PRSS48: variants seen among roughly 807,000 people sequenced by gnomAD.
PRSS48 encodes serine protease 48, also known as epidermis-specific serine protease-like protein.
Under a neutral mutation model 25.6 loss-of-function variants are expected in PRSS48, and 21 were observed. The ratio of observed to expected loss-of-function variants is 0.82; its 90% CI spans 0.58 to 1.18. The LOEUF is 1.18. Ranked by LOEUF, PRSS48 falls within the 50% of genes most tolerant of loss-of-function variation. The pLI, the probability that PRSS48 is intolerant of heterozygous loss-of-function variation, is 0.00. For synonymous variants in PRSS48, 150 were observed against 149.3 expected (o/e 1.00, Z -0.04); for missense variants, 373 against 399.3 (o/e 0.93, Z 0.56).
At chr4:151,281,587 T>G (rs931454266) in intron 2 of PRSS48, among the ~76,000 whole-genome samples, 1 of 152,056 alleles carries the variant, frequency 6.6e-6, no homozygotes, top group Non-Finnish European at 1.5e-5. Context: ...TTGAAAACAC[T>G]TGAAAATTAC....
rs539577807 is a variant in PRSS48, at chr4:151,280,153, A to T, written c.215+195A>T. 3.7e-3 allele frequency among the ~76,000 whole-genome samples: 254 copies of T among 68,278 alleles called. 2 individuals are homozygous for T. The highest frequency in any genetic ancestry group is 8.7e-3 in the African/African-American group (252 of 29,090). The allele number at this position is 68,278 out of a possible 152,430, so 44.8% of individuals were successfully genotyped here. A position where few individuals can be genotyped will look rare whatever the true frequency, so the allele number is the denominator to read the frequency against. ...AGAAAAAGGAAAGTTGGAGACAGGCACTATATTAAAGACTTTTCTTATTTT... is the reference window on the plus strand; with the variant it reads ...AGAAAAAGGAAAGTTGGAGACAGGCTCTATATTAAAGACTTTTCTTATTTT... On this transcript the variant is annotated intron_variant, in intron 2 of 4. Coordinates refer to ENST00000455694, the Ensembl canonical transcript of PRSS48.
intron 1 of PRSS48, among the ~76,000 whole-genome samples, chr4:151,278,579 T>C (rs1002676121): frequency 6.6e-6 from 1 of 152,114 alleles, no homozygotes; most frequent in African/African-American, 2.4e-5. Flanking sequence ...ATCCCTAGTT[T>C]GAGAGTCCCA....
intron 4 of PRSS48, among the ~76,000 whole-genome samples, chr4:151,286,133 T>C (rs1264191104): frequency 1.4e-5 from 2 of 145,174 alleles, no homozygotes; most frequent in Non-Finnish European, 3.0e-5. Context: ...GTGAGCTATA[T>C]TTGCACCACT....
At chr4:151,291,804 C>T (rs1775357747), downstream of PRSS48, among the ~76,000 whole-genome samples, 1 of 152,124 alleles carries the variant, frequency 6.6e-6, no homozygotes, top group East Asian at 1.9e-4. Flanking sequence ...TAAGGGTCTA[C>T]CTCGTGCCCA....
At chr4:151,277,877 CA>C (rs1228916386) in intron 1 of PRSS48, among the ~76,000 whole-genome samples, 1 of 152,024 alleles carries the variant, frequency 6.6e-6, no homozygotes, top group Non-Finnish European at 1.5e-5. Context: ...CCCATCTCTA[CA>C]AAAAATACAA....
At chr4:151,287,670 G>C (rs1229608593) in intron 4 of PRSS48, among the ~76,000 whole-genome samples, 2 of 152,186 alleles carry the variant, frequency 1.3e-5, no homozygotes, top group Non-Finnish European at 2.9e-5. Flanking sequence ...CAAGACGGGA[G>C]GATCACTTGA....
Position 151,280,063 on chromosome 4 carries a change from C to G in PRSS48, c.215+105C>G. 2 of 1,309,374 alleles carry G rather than the reference C, an allele frequency of 1.5e-6. 1 individual carries two copies. The allele number at this position is 1,309,374 out of a possible 1,614,324, so 81.1% of individuals were successfully genotyped here. A position where few individuals can be genotyped will look rare whatever the true frequency, so the allele number is the denominator to read the frequency against. Reference sequence around the variant, plus strand: ...AATGAAAGTGGTAAAATAGGCAGGGCGGAAGGAAACCCAGGTCATGTCAGA... The same window carrying G: ...AATGAAAGTGGTAAAATAGGCAGGGGGGAAGGAAACCCAGGTCATGTCAGA... On this transcript the variant is annotated intron_variant, in intron 2 of 4. Transcript: ENST00000455694.
chr4:151,283,082 T>A, intron 3 of PRSS48, 35 bp from the exon 4 acceptor site: 1 of 1,605,416 alleles, frequency 6.2e-7, no homozygotes, highest in Non-Finnish European at 8.5e-7. Context: ...CTTTTCTAGG[T>A]TGCTTTAATC....
At chr4:151,291,507 ATTTTGT>A, downstream of PRSS48, 1 of 1,303,818 alleles carries the variant, frequency 7.7e-7, no homozygotes. Flanking sequence ...ATTTGAAATG[ATTTTGT>A]TTTTAAGGTT....
intron 4 of PRSS48, among the ~76,000 whole-genome samples, chr4:151,290,534 G>A (rs1268738684): frequency 6.6e-6 from 1 of 152,116 alleles, no homozygotes; most frequent in East Asian, 1.9e-4. Flanking sequence ...TAGCTGGGAG[G>A]GTTGGGAAGA....
At chr4:151,284,702 A>G (rs915589377) in intron 4 of PRSS48, among the ~76,000 whole-genome samples, 5 of 152,308 alleles carry the variant, frequency 3.3e-5, no homozygotes, top group Non-Finnish European at 4.4e-5. Context: ...TGTCAATAGC[A>G]TGGTGTAGGG....
downstream of PRSS48, chr4:151,291,517 T>C (rs1226538876): frequency 2.4e-6 from 3 of 1,243,150 alleles, no homozygotes; most frequent in African/African-American, 3.0e-5. Context: ...ATTTTGTTTT[T>C]AAGGTTTTTG....
chr4:151,277,197 A>G, exon 1 of PRSS48: 1 of 1,501,902 alleles, frequency 6.7e-7, no homozygotes, highest in Non-Finnish European at 9.0e-7. Flanking sequence ...CTGTGCCTTC[A>G]CGCTGCTCCT....
chr4:151,286,363 GA>G (rs886546047), intron 4 of PRSS48, among the ~76,000 whole-genome samples: 24 of 142,154 alleles, frequency 1.7e-4, no homozygotes, highest in Admixed American at 2.1e-4. Flanking sequence ...AACTGAGCAA[GA>G]AAAAAAAAAG....
Position 151,283,167 on chromosome 4 carries a change from C to T in PRSS48, c.532C>T (p.Arg178Cys), listed in dbSNP as rs369822008. ...GGAAGCAGAAGTACCCATTATTGACCGCCAGGCTTGTGAACAGCTCTACAA... is the reference window on the plus strand; with the variant it reads ...GGAAGCAGAAGTACCCATTATTGACTGCCAGGCTTGTGAACAGCTCTACAA... Residue 178 changes from arginine (R) to cysteine (C), a missense_variant, in exon 4 of 5, where the codon CGC (arginine) becomes TGC (cysteine). Transcript: ENST00000455694. The T allele has an allele frequency of 6.6e-5, 107 of 1,613,714 alleles. No individual in the cohort carries two copies. The East Asian group carries it at 8.5e-4, about 13-fold the overall frequency.
At chr4:151,290,677 T>C (rs1775233878) in intron 4 of PRSS48, among the ~76,000 whole-genome samples, 1 of 152,198 alleles carries the variant, frequency 6.6e-6, no homozygotes, top group Non-Finnish European at 1.5e-5. Context: ...ATGTGAATTA[T>C]ATGACAGTAA....
intron 3 of PRSS48, 60 bp downstream of exon 3, chr4:151,282,473 T>G: frequency 6.4e-7 from 1 of 1,561,492 alleles, no homozygotes; most frequent in Non-Finnish European, 8.8e-7. Flanking sequence ...TCCAGAACAT[T>G]CATATTCTAG....
intron 4 of PRSS48, among the ~76,000 whole-genome samples, chr4:151,287,374 C>T (rs1281306835): frequency 2.0e-5 from 3 of 151,182 alleles, no homozygotes; most frequent in Non-Finnish European, 4.4e-5. Context: ...GGGAACACTT[C>T]CCAACTCATT....
chr4:151,287,924 T>C (rs553068095), intron 4 of PRSS48, among the ~76,000 whole-genome samples: 1 of 152,158 alleles, frequency 6.6e-6, no homozygotes, highest in Admixed American at 6.5e-5. Flanking sequence ...GGATATACCA[T>C]AAACAACTGG....
Sources: allele counts gnomAD v4.1 joint callset (sites outside exome capture counted in the v4.1 genomes callset), GRCh38; gene constraint gnomAD v4.1.1; transcripts MANE v1.5; gene names NCBI Gene and HGNC (gene_info 2026-07-23, HGNC 2026-07-21).